GRIN2B: variants seen among roughly 807,000 people sequenced by gnomAD.
The protein encoded by GRIN2B is glutamate ionotropic receptor NMDA type subunit 2B.
In GRIN2B, 5 loss-of-function variants were observed where a neutral mutation model predicts 114.5. The ratio of observed to expected loss-of-function variants is 0.04; its 90% CI spans 0.02 to 0.09. The LOEUF (loss-of-function observed/expected upper bound fraction) is 0.09, where lower values mean the gene tolerates loss of function less well. GRIN2B is among the 10% of genes least tolerant of loss of function. GRIN2B has a pLI of 1.00. For synonymous variants in GRIN2B, 787 were observed against 745.1 expected, an observed-to-expected ratio of 1.06 and a Z score of -0.92; for missense variants, 1,108 against 1,943.5, an observed-to-expected ratio of 0.57 and a Z score of 8.08.
Position 13,542,825 on chromosome 12 carries a change from GCTC to G in GRIN2B, c.*19955_*19957del, listed in dbSNP as rs2136379547. 1 of 152,182 alleles carries G rather than the reference GCTC, an allele frequency of 6.6e-6. No homozygotes were observed. Among genetic ancestry groups the G allele is most frequent in the South Asian group, 2.1e-4 (1 of 4,810 alleles). The allele number at this position is 152,182 out of a possible 1,614,324, so 9.4% of individuals were successfully genotyped here. A position where few individuals can be genotyped will look rare whatever the true frequency, so the allele number is the denominator to read the frequency against. The stretch of plus-strand genomic sequence containing the variant: ...TTCCTCTTGCTCTTACAGAAACCTG[GCTC>G]CTCTTTGAGGACCCTGAATCACTCC... On this transcript the variant is annotated 3_prime_UTR_variant, in exon 14 of 14. Coordinates refer to ENST00000609686, the MANE Select transcript of GRIN2B (RefSeq NM_000834.5).
At chr12:13,649,722 C>A (rs1949797094) in intron 5 of GRIN2B, among the ~76,000 whole-genome samples, 1 of 152,016 alleles carries the variant, frequency 6.6e-6, no homozygotes, top group Non-Finnish European at 1.5e-5. Context: ...CCAGAAGAAG[C>A]TGCTTGGAAA....
At chr12:13,580,587 G>A (rs1011169429) in intron 10 of GRIN2B, among the ~76,000 whole-genome samples, 40 of 152,338 alleles carry the variant, frequency 2.6e-4, no homozygotes, top group African/African-American at 9.4e-4. Flanking sequence ...GAATGGCTTT[G>A]GGCCTGGGCT....
At chr12:13,898,493 T>C (rs1300107279) in intron 2 of GRIN2B, among the ~76,000 whole-genome samples, 1 of 152,236 alleles carries the variant, frequency 6.6e-6, no homozygotes, top group African/African-American at 2.4e-5. Context: ...GTTGACATTG[T>C]ATGACCACTA....
intron 5 of GRIN2B, among the ~76,000 whole-genome samples, chr12:13,623,656 A>G (rs1328956308): frequency 1.3e-5 from 2 of 152,178 alleles, no homozygotes; most frequent in Non-Finnish European, 2.9e-5. Flanking sequence ...ATCCATTCAT[A>G]GAGAAGAGCT....
intron 4 of GRIN2B, among the ~76,000 whole-genome samples, chr12:13,742,765 C>T (rs1364456694): frequency 6.6e-6 from 1 of 152,138 alleles, no homozygotes; most frequent in African/African-American, 2.4e-5. Context: ...ACATTACTGC[C>T]CAGGTTAAAA....
At chr12:13,825,496 T>TTTTTTTGTGTGTGTGTG (rs375940899) in intron 3 of GRIN2B, among the ~76,000 whole-genome samples, 2 of 122,994 alleles carry the variant, frequency 1.6e-5, no homozygotes, top group Non-Finnish European at 3.3e-5. Flanking sequence ...TATATATATT[T>TTTTTTTGTGTGTGTGTG]TGTGTGTGTG....
At position 13,765,783 on chromosome 12, in the gene GRIN2B, G is replaced by A. The variant is rs554158668; in HGVS notation, c.412-11868C>T. 6.6e-5 allele frequency among the ~76,000 whole-genome samples: 10 copies of A among 152,314 alleles called. No individual in the cohort carries two copies. The East Asian group carries it at 1.7e-3, about 26-fold the overall frequency. ...AGAAAGTGAGCTTCAGAGACATGAA[G>A]GGTCTTGCCCAGGGTAACCGCTGGA... On this transcript the variant is annotated intron_variant, in intron 3 of 13. Transcript: ENST00000609686.
At chr12:13,607,675 A>G (rs1949301288) in intron 10 of GRIN2B, among the ~76,000 whole-genome samples, 1 of 112,168 alleles carries the variant, frequency 8.9e-6, no homozygotes, top group Non-Finnish European at 1.7e-5. Flanking sequence ...GCAAAGTACT[A>G]TTTGGTCTGA....
chr12:13,868,455 T>TACACACACACAC (rs71436778), intron 2 of GRIN2B, among the ~76,000 whole-genome samples: 5 of 148,894 alleles, frequency 3.4e-5, no homozygotes, highest in South Asian at 2.1e-4. Context: ...GTGGACAAAG[T>TACACACACACAC]ACACACACAC....
intron 4 of GRIN2B, among the ~76,000 whole-genome samples, chr12:13,705,864 G>A (rs1950354867): frequency 1.3e-5 from 2 of 152,158 alleles, no homozygotes; most frequent in Admixed American, 1.3e-4. Flanking sequence ...GCGCAGAAAG[G>A]TGACGAGAGT....
At chr12:13,661,014 A>G (rs529200574) in intron 5 of GRIN2B, among the ~76,000 whole-genome samples, 1 of 152,284 alleles carries the variant, frequency 6.6e-6, no homozygotes, top group East Asian at 1.9e-4. Context: ...TTCCATTCTT[A>G]CATTTAAGAT....
intron 3 of GRIN2B, among the ~76,000 whole-genome samples, chr12:13,851,279 A>T (rs1194654276): frequency 6.6e-6 from 1 of 152,210 alleles, no homozygotes; most frequent in East Asian, 1.9e-4. Context: ...TGTCATTTTC[A>T]TGGTGTTTCC....
In GRIN2B at chr12:13,666,102, G is replaced by A. The variant is rs113942365; in HGVS notation, c.1125+9643C>T. Among the ~76,000 whole-genome samples the A allele has an allele frequency of 5.4e-3, 823 of 152,306 alleles. 13 individuals are homozygous for A. The highest frequency in any genetic ancestry group is 0.018 in the African/African-American group (766 of 41,566). On this transcript the variant is annotated intron_variant, in intron 5 of 13. Transcript: ENST00000609686. ...CCAGAAGTTTGGTGTGAGCAGGAAT[G>A]TGGTGTGCACCTGGAGAATAGGGCA... is the stretch of plus-strand genomic sequence containing the variant.
intron 3 of GRIN2B, among the ~76,000 whole-genome samples, chr12:13,807,251 A>G (rs893587523): frequency 1.2e-4 from 18 of 152,146 alleles, no homozygotes; most frequent in African/African-American, 4.3e-4. Flanking sequence ...CCACGGCTGT[A>G]TGAGTCTAAG....
intron 2 of GRIN2B, among the ~76,000 whole-genome samples, chr12:13,945,173 G>A (rs556335809): frequency 7.2e-5 from 11 of 152,240 alleles, no homozygotes; most frequent in African/African-American, 2.2e-4. Flanking sequence ...GGCCAAAAAC[G>A]AAAAACACAA....
At chr12:13,696,048 T>C (rs1290438110) in intron 4 of GRIN2B, among the ~76,000 whole-genome samples, 4 of 152,172 alleles carry the variant, frequency 2.6e-5, no homozygotes, top group Admixed American at 2.6e-4. Flanking sequence ...TCTTTCTTAC[T>C]ATAACTACAA....
In GRIN2B at chr12:13,547,995, T is replaced by TTC. The variant is rs71067707; in HGVS notation, c.*14787_*14788insGA. On this transcript the variant is annotated 3_prime_UTR_variant, in exon 14 of 14. Transcript: ENST00000609686. ...TATATATATATATTTTTTTTTTTTT[T>TTC]CTGAAAGCTACAGAAGAGACCACGG... 1 of 125,114 alleles carries TTC rather than the reference T, an allele frequency of 8.0e-6. No individual in the cohort carries two copies. The highest frequency in any genetic ancestry group is 1.7e-5 in the Non-Finnish European group (1 of 57,732). The allele number at this position is 125,114 out of a possible 1,614,324, so 7.8% of individuals were successfully genotyped here.
intron 2 of GRIN2B, among the ~76,000 whole-genome samples, chr12:13,938,413 A>C (rs1178012733): frequency 6.6e-6 from 1 of 152,182 alleles, no homozygotes; most frequent in Non-Finnish European, 1.5e-5. Flanking sequence ...CAGCAATTCT[A>C]CTTTTTGACA....
rs531993646 is a variant in GRIN2B, at chr12:13,577,775, G to A, written c.2011-5811C>T. ...ATTTGCCCAGCATCTATTAGGGCAG[G>A]AGACTGTATTAGGAACAGAGATACA... On this transcript the variant is annotated intron_variant, in intron 10 of 13. Coordinates refer to ENST00000609686, the MANE Select transcript of GRIN2B (RefSeq NM_000834.5). Among the ~76,000 whole-genome samples the A allele has an allele frequency of 2.2e-3, 328 of 152,294 alleles. 1 individual carries two copies. The highest frequency in any genetic ancestry group is 2.7e-3 in the Non-Finnish European group (187 of 68,032).
Sources: gnomAD v4.1 joint callset for allele counts (sites outside exome capture counted in the v4.1 genomes callset) on GRCh38, gnomAD v4.1.1 for gene constraint, MANE v1.5 for transcripts, NCBI Gene and HGNC (gene_info 2026-07-23, HGNC 2026-07-21) for gene names.